The following TM9SF2 variants were observed in gnomAD, a reference collection of about 807,000 sequenced individuals.
The protein encoded by TM9SF2 is transmembrane 9 superfamily member 2.
In TM9SF2, 13 loss-of-function variants were observed where a neutral mutation model predicts 84.9. That is an observed-to-expected ratio of 0.15 (90% CI 0.10 to 0.24). The LOEUF (loss-of-function observed/expected upper bound fraction) is 0.24, where lower values mean the gene tolerates loss of function less well. Ranked by LOEUF, TM9SF2 falls within the 10% of genes least tolerant of loss-of-function variation. The probability of loss-of-function intolerance (pLI) is 1.00; values close to 1 mark genes in which losing one functional copy is unlikely to be tolerated. For synonymous variants in TM9SF2, 273 were observed against 285.8 expected, an observed-to-expected ratio of 0.96 and a Z score of 0.45; for missense variants, 562 against 818.5, an observed-to-expected ratio of 0.69 and a Z score of 3.82.
chr13:99,536,468 A>G (rs1028575477), intron 4 of TM9SF2, 140 bp from the exon 5 acceptor site: 13 of 1,028,382 alleles, frequency 1.3e-5, no homozygotes, highest in Non-Finnish European at 1.7e-5. Flanking sequence ...AGCACATTTC[A>G]TTAACATTCT....
intron 9 of TM9SF2, among the ~76,000 whole-genome samples, chr13:99,542,681 A>G (rs941657558): frequency 3.3e-5 from 5 of 152,076 alleles, no homozygotes; most frequent in Non-Finnish European, 7.4e-5. Flanking sequence ...TGTACTCTAT[A>G]GTCTCTTTCC....
At chr13:99,501,856 T>C in intron 1 of TM9SF2, 79 bp downstream of exon 1, 1 of 1,532,044 alleles carries the variant, frequency 6.5e-7, no homozygotes, top group Non-Finnish European at 8.7e-7. Context: ...GATCCTCGGG[T>C]GGGAGCGAGG....
chr13:99,541,516 A>G (rs2046259466), intron 8 of TM9SF2, 43 bp from the exon 9 acceptor site: 8 of 1,414,034 alleles, frequency 5.7e-6, no homozygotes, highest in African/African-American at 1.4e-5. Flanking sequence ...TACTGTTCCT[A>G]GGATTAAGCT....
intron 3 of TM9SF2, among the ~76,000 whole-genome samples, chr13:99,528,475 T>C (rs2046193848): frequency 6.6e-6 from 1 of 152,234 alleles, no homozygotes; most frequent in Admixed American, 6.5e-5. Context: ...TCCTTCACAA[T>C]TGAACACACA....
intron 2 of TM9SF2, among the ~76,000 whole-genome samples, chr13:99,518,970 T>A (rs2046147191): frequency 6.6e-6 from 1 of 152,100 alleles, no homozygotes; most frequent in Admixed American, 6.5e-5. Context: ...ATTTGACCAT[T>A]GTATACCATA....
rs199913484 is a variant in TM9SF2 at position 99,534,492 on chromosome 13, GA to G, written c.462-2107del. Among the ~76,000 whole-genome samples, 414 of 151,324 alleles carry G rather than the reference GA, an allele frequency of 2.7e-3. 4 individuals are homozygous for G. Among genetic ancestry groups the G allele is most frequent in the African/African-American group, 9.2e-3 (381 of 41,300 alleles). ...TCTTGCAACTGCAAAAAAAAGAAAAGAAAAAAAAATGCCAACTTGTTAAATG... is the reference window on the plus strand; with the variant it reads ...TCTTGCAACTGCAAAAAAAAGAAAAGAAAAAAAATGCCAACTTGTTAAATG... On this transcript the variant is annotated intron_variant, in intron 4 of 16. Transcript: ENST00000376387.
At chr13:99,520,549 A>G (rs1472961441) in intron 3 of TM9SF2, among the ~76,000 whole-genome samples, 1 of 151,528 alleles carries the variant, frequency 6.6e-6, no homozygotes, top group Non-Finnish European at 1.5e-5. Context: ...GGGCTCCCGC[A>G]CTGGGATTTT....
At chr13:99,541,116 C>A (rs1459428283) in intron 8 of TM9SF2, among the ~76,000 whole-genome samples, 2 of 152,220 alleles carry the variant, frequency 1.3e-5, no homozygotes, top group African/African-American at 4.8e-5. Flanking sequence ...TATTATTATC[C>A]CCTTCAAACA....
intron 15 of TM9SF2, among the ~76,000 whole-genome samples, chr13:99,556,069 A>G (rs893982567): frequency 3.3e-5 from 5 of 152,196 alleles, no homozygotes; most frequent in African/African-American, 1.2e-4. Flanking sequence ...AGTTTCTATA[A>G]TCACATTGTA....
intron 13 of TM9SF2, among the ~76,000 whole-genome samples, chr13:99,553,580 CTG>C (rs563253551): frequency 6.6e-6 from 1 of 152,166 alleles, no homozygotes; most frequent in Non-Finnish European, 1.5e-5. Flanking sequence ...ATAATCTAGT[CTG>C]TGGAAGTATG....
chr13:99,516,732 C>T (rs1006179963), intron 1 of TM9SF2, among the ~76,000 whole-genome samples: 11 of 152,312 alleles, frequency 7.2e-5, no homozygotes, highest in Non-Finnish European at 1.3e-4. Flanking sequence ...ACTGCTACTA[C>T]CTTGTAGTTC....
intron 11 of TM9SF2, 39 bp downstream of exon 11, chr13:99,547,143 G>C (rs1204161590): frequency 6.2e-7 from 1 of 1,607,894 alleles, no homozygotes; most frequent in African/African-American, 1.3e-5. Flanking sequence ...TGATCAGGAA[G>C]GGACTCTGCT....
At chr13:99,526,461 C>A (rs1445071594) in intron 3 of TM9SF2, among the ~76,000 whole-genome samples, 1 of 152,070 alleles carries the variant, frequency 6.6e-6, no homozygotes, top group Non-Finnish European at 1.5e-5. Context: ...TGTGAGGCCA[C>A]AAAAGGAGTA....
intron 1 of TM9SF2, among the ~76,000 whole-genome samples, chr13:99,504,724 T>G (rs1414692718): frequency 6.6e-6 from 1 of 152,250 alleles, no homozygotes; most frequent in Admixed American, 6.5e-5. Flanking sequence ...ATTAATTTTC[T>G]TAGCCTTCAT....
At chr13:99,525,646 G>C (rs9300556) in intron 3 of TM9SF2, among the ~76,000 whole-genome samples, 137,210 of 151,276 alleles carry the variant, frequency 0.91, 62,269 homozygotes, top group Admixed American at 0.94. Flanking sequence ...AGCTCCACCT[G>C]CCGAGTTCAC....
chr13:99,520,150 A>G (rs1378174102), intron 3 of TM9SF2, 21 bp downstream of exon 3: 2 of 1,572,794 alleles, frequency 1.3e-6, no homozygotes, highest in East Asian at 2.3e-5. Flanking sequence ...AGTGTTACAT[A>G]ATAATTATTT....
At chr13:99,522,043 C>G (rs2046162998) in intron 3 of TM9SF2, among the ~76,000 whole-genome samples, 1 of 151,950 alleles carries the variant, frequency 6.6e-6, no homozygotes, top group South Asian at 2.1e-4. Flanking sequence ...TTTTTCGAGA[C>G]AGAGTGTCAC....
chr13:99,549,736 C>T (rs977676590), intron 12 of TM9SF2, among the ~76,000 whole-genome samples: 13 of 152,176 alleles, frequency 8.5e-5, no homozygotes, highest in Non-Finnish European at 1.3e-4. Flanking sequence ...TTATCTGATG[C>T]GGTTCTGGTC....
rs796283300 is a variant in TM9SF2 at position 99,506,628 on chromosome 13, C to T, written c.171+4851C>T. On this transcript the variant is annotated intron_variant, in intron 1 of 16. Coordinates refer to ENST00000376387, the MANE Select transcript of TM9SF2 (RefSeq NM_004800.3). Reference sequence around the variant, plus strand: ...TTAGAATCAAGAAAGCAACAAAAGTCTATGAATAAAATTGTGTCTTTCTGC... The same window carrying T: ...TTAGAATCAAGAAAGCAACAAAAGTTTATGAATAAAATTGTGTCTTTCTGC... Among the ~76,000 whole-genome samples the T allele has an allele frequency of 5.3e-5, 8 of 152,212 alleles. No individual in the cohort carries two copies. In the South Asian group the frequency reaches 1.5e-3, roughly 28 times the overall value.
Sources: allele counts gnomAD v4.1 joint callset (sites outside exome capture counted in the v4.1 genomes callset), GRCh38; gene constraint gnomAD v4.1.1; transcripts MANE v1.5; gene names NCBI Gene and HGNC (gene_info 2026-07-23, HGNC 2026-07-21).